NEMP2: variants seen among roughly 807,000 people sequenced by gnomAD.
The protein encoded by NEMP2 is nuclear envelope integral membrane protein 2.
In NEMP2, 53 loss-of-function variants were observed where a neutral mutation model predicts 54.2. The observed-to-expected ratio is 0.98, with a 90% CI of 0.78 to 1.23. The LOEUF (loss-of-function observed/expected upper bound fraction) is 1.23. Among genes scored for constraint, NEMP2 ranks in the 50% most tolerant of loss-of-function variants. NEMP2 has a pLI of 0.00. For missense variants in NEMP2, 455 were observed against 511.3 expected (o/e 0.89, Z 1.06); for synonymous variants, 197 against 190.3 (o/e 1.04, Z -0.29).
downstream of NEMP2, chr2:190,500,225 C>T: frequency 6.2e-7 from 1 of 1,614,020 alleles, no homozygotes; most frequent in African/African-American, 1.3e-5. The surrounding 1 kb of genome is among the most constrained non-coding windows in gnomAD (Gnocchi z 5.3). Flanking sequence ...CTGAGGGCAT[C>T]CTGCTCATCT....
At chr2:190,425,978 A>T in the NEMP2 span, among the ~76,000 whole-genome samples, 10 of 151,830 alleles carry the variant, frequency 6.6e-5, no homozygotes, top group East Asian at 1.6e-3. The surrounding 1 kb of genome is among the most constrained non-coding windows in gnomAD (Gnocchi z 4.3). Flanking sequence ...TGCTTTCAAA[A>T]TTTTTTTCCT....
At chr2:190,441,083 G>C in the NEMP2 span, among the ~76,000 whole-genome samples, 1 of 152,140 alleles carries the variant, frequency 6.6e-6, no homozygotes, top group Non-Finnish European at 1.5e-5. Context: ...GTTTAAGGAA[G>C]ATCATGCCTA....
the NEMP2 span, among the ~76,000 whole-genome samples, chr2:190,564,476 C>T: frequency 2.6e-5 from 4 of 152,324 alleles, no homozygotes; most frequent in African/African-American, 9.6e-5. The surrounding 1 kb of genome is among the most constrained non-coding windows in gnomAD (Gnocchi z 4.2). Context: ...TACAACTACT[C>T]TTTCCTTTAA....
intron 5 of NEMP2, among the ~76,000 whole-genome samples, chr2:190,517,090 C>CA (rs56324449): frequency 0.016 from 1,411 of 89,182 alleles, 28 homozygotes; most frequent in African/African-American, 0.046. Flanking sequence ...GACTGTGTCT[C>CA]AAAAAAAAAA....
At chr2:190,648,436 G>A in the NEMP2 span, 1 of 151,702 alleles carries the variant, frequency 6.6e-6, no homozygotes, top group Admixed American at 6.6e-5. Flanking sequence ...TCGCCCCCCC[G>A]GGCAGGGGCG....
In NEMP2 at chr2:190,517,508, T is replaced by C. The variant is rs1196830030; in HGVS notation, c.612+12A>G. ...TTTCCATTTTTTACTCATTTTCACATAGTATGCCTACCTTCGGAATGAATC... is the reference window on the plus strand; with the variant it reads ...TTTCCATTTTTTACTCATTTTCACACAGTATGCCTACCTTCGGAATGAATC... On this transcript the variant is annotated intron_variant, in intron 5 of 8. Transcript: ENST00000409150. 1.3e-6 allele frequency: 2 copies of C among 1,530,914 alleles called. No individual in the cohort carries two copies. The highest frequency in any genetic ancestry group is 1.8e-6 in the Non-Finnish European group (2 of 1,133,902). 94.8% of individuals were successfully genotyped at this position (1,530,914 alleles called of 1,614,324 possible).
chr2:190,431,786 G>C, the NEMP2 span, among the ~76,000 whole-genome samples: 1 of 152,262 alleles, frequency 6.6e-6, no homozygotes, highest in South Asian at 2.1e-4. This position sits in a 1 kb window ranked among gnomAD's most constrained non-coding sequence, Gnocchi z 4.4. Context: ...CTAAGAAATT[G>C]CCTTAAATTT....
At chr2:190,534,527 C>G (rs1429169674) in intron 1 of NEMP2, 32 bp downstream of exon 1, 4 of 1,377,146 alleles carry the variant, frequency 2.9e-6, no homozygotes, top group African/African-American at 1.5e-5. Context: ...CGAGCACGCA[C>G]GCGCGCGCCG....
At chr2:190,573,894 C>G in the NEMP2 span, among the ~76,000 whole-genome samples, 1 of 152,204 alleles carries the variant, frequency 6.6e-6, no homozygotes, top group East Asian at 1.9e-4. Flanking sequence ...ATATGCCAGG[C>G]ATTTGTGTAC....
chr2:190,554,196 G>T, the NEMP2 span, among the ~76,000 whole-genome samples: 3 of 152,190 alleles, frequency 2.0e-5, no homozygotes, highest in Non-Finnish European at 4.4e-5. This position sits in a 1 kb window ranked among gnomAD's most constrained non-coding sequence, Gnocchi z 5.7. Context: ...TACGTCACCA[G>T]GGCCCTGGGT....
At chr2:190,633,941 A>T in the NEMP2 span, among the ~76,000 whole-genome samples, 13 of 152,232 alleles carry the variant, frequency 8.5e-5, no homozygotes, top group African/African-American at 2.9e-4. Context: ...CATGGTGGTC[A>T]CATGCCTATA....
At chr2:190,620,343 G>A in the NEMP2 span, 3 of 152,024 alleles carry the variant, frequency 2.0e-5, no homozygotes, top group African/African-American at 4.8e-5. This position sits in a 1 kb window ranked among gnomAD's most constrained non-coding sequence, Gnocchi z 4.9. Flanking sequence ...TCATGTGGTG[G>A]GAGATATGGA....
chr2:190,469,625 G>A, the NEMP2 span: 5 of 410,442 alleles, frequency 1.2e-5, no homozygotes, highest in African/African-American at 1.0e-4. The surrounding 1 kb of genome is among the most constrained non-coding windows in gnomAD (Gnocchi z 5.3). Context: ...TCTGCTGGAT[G>A]ATGGGTGGTT....
the NEMP2 span, among the ~76,000 whole-genome samples, chr2:190,445,854 G>T: frequency 6.7e-6 from 1 of 150,294 alleles, no homozygotes; most frequent in South Asian, 2.1e-4. Context: ...TGGACAAAAA[G>T]AAGGTCATTT....
At chr2:190,518,874 AG>A (rs1324403882) in intron 3 of NEMP2, 66 bp from the exon 4 acceptor site, 11 of 1,516,892 alleles carry the variant, frequency 7.3e-6, no homozygotes, top group African/African-American at 1.4e-5. Context: ...TGGTAAAAGA[AG>A]AAAAAAGTCA....
At chr2:190,526,158 G>T (rs1690928061) in intron 1 of NEMP2, among the ~76,000 whole-genome samples, 1 of 152,198 alleles carries the variant, frequency 6.6e-6, no homozygotes, top group Non-Finnish European at 1.5e-5. Context: ...AGGATCCCAT[G>T]TTACTGGAGT....
the NEMP2 span, among the ~76,000 whole-genome samples, chr2:190,605,926 ACTC>A: frequency 1.3e-5 from 2 of 152,066 alleles, no homozygotes; most frequent in East Asian, 3.9e-4. Flanking sequence ...TAAAGTGAGA[ACTC>A]CTTATGGGCA....
At position 190,508,663 on chromosome 2, in the gene NEMP2, TA is replaced by T. The variant is rs1473938934; in HGVS notation, c.*525del. ...TGAGAGATACTGAAATACATTAGTT[TA>T]ACTTTATATCAATCTTAGTTGACCT... On this transcript the variant is annotated 3_prime_UTR_variant, in exon 9 of 9. Transcript: ENST00000409150. The surrounding 1 kb of genome is among the most constrained non-coding windows in gnomAD (Gnocchi z 4.3). The T allele has an allele frequency of 1.3e-5, 2 of 153,100 alleles. No individual in the cohort carries two copies. Among genetic ancestry groups the T allele is most frequent in the African/African-American group, 4.8e-5 (2 of 41,460 alleles). 9.5% of individuals were successfully genotyped at this position (153,100 alleles called of 1,614,324 possible). A position where few individuals can be genotyped will look rare whatever the true frequency, so the allele number is the denominator to read the frequency against.
chr2:190,444,127 T>A, the NEMP2 span, among the ~76,000 whole-genome samples: 1 of 152,236 alleles, frequency 6.6e-6, no homozygotes, highest in Non-Finnish European at 1.5e-5. Flanking sequence ...ACTTTTATAC[T>A]TTCAATTTTG....
Sources: gnomAD v4.1 joint callset for allele counts (sites outside exome capture counted in the v4.1 genomes callset) on GRCh38, gnomAD v4.1.1 for gene constraint, Gnocchi (gnomAD v3.1) non-coding constraint, MANE v1.5 for transcripts, NCBI Gene and HGNC (gene_info 2026-07-23, HGNC 2026-07-21) for gene names.